Variants in CREB5 observed in about 807,000 individuals in gnomAD.
CREB5 encodes cyclic AMP-responsive element-binding protein 5.
CREB5 carries 19 observed loss-of-function variants against 57.1 expected under a neutral mutation model. That is an observed-to-expected ratio of 0.33 (90% confidence interval 0.23 to 0.49). The LOEUF is 0.49. Ranked by LOEUF, CREB5 falls within the 20% of genes least tolerant of loss-of-function variation. CREB5 has a pLI of 0.99. For synonymous variants in CREB5, 238 were observed against 238.3 expected (o/e 1.00, Z 0.01); for missense variants, 579 against 671.6 (o/e 0.86, Z 1.52).
At chr7:28,602,764 T>C (rs10254819) in intron 5 of CREB5, among the ~76,000 whole-genome samples, 74,364 of 151,990 alleles carry the variant, frequency 0.49, 18,903 homozygotes, top group Middle Eastern at 0.56. Context: ...CTTGTGGTGA[T>C]GGAACAGTTT....
intron 1 of CREB5, among the ~76,000 whole-genome samples, chr7:28,340,950 A>C (rs922867212): frequency 6.6e-6 from 1 of 152,074 alleles, no homozygotes; most frequent in Non-Finnish European, 1.5e-5. Context: ...CTCTCCCCAG[A>C]TTCTCTCTCT....
In CREB5 at chr7:28,622,259, TCACACACACACA is replaced by T. The variant is rs4000593; in HGVS notation, c.464+51746_464+51757del. Among the ~76,000 whole-genome samples, 1,066 of 142,892 alleles carry T rather than the reference TCACACACACACA, an allele frequency of 7.5e-3. 21 individuals carry two copies. Among genetic ancestry groups the T allele is most frequent in the African/African-American group, 0.026 (1,016 of 39,032 alleles). 93.7% of individuals were successfully genotyped at this position (142,892 alleles called of 152,430 possible). ...TACACACATTCTCTCTCTCTCTCTC[TCACACACACACA>T]CACACACACACACACACACACACTC... On this transcript the variant is annotated intron_variant, in intron 5 of 10. Transcript: ENST00000357727.
intron 4 of CREB5, among the ~76,000 whole-genome samples, chr7:28,541,047 C>T (rs988569572): frequency 6.6e-6 from 1 of 152,196 alleles, no homozygotes; most frequent in African/African-American, 2.4e-5. Flanking sequence ...CTAGTTGTGT[C>T]TATTGCTGTA....
intron 7 of CREB5, among the ~76,000 whole-genome samples, chr7:28,781,448 CA>C (rs1458327443): frequency 3.3e-5 from 5 of 152,166 alleles, no homozygotes; most frequent in African/African-American, 1.2e-4. Context: ...TCAAAGGAAT[CA>C]GGCTTGAAAT....
intron 1 of CREB5, among the ~76,000 whole-genome samples, chr7:28,351,942 C>T (rs1167752883): frequency 2.0e-5 from 3 of 152,042 alleles, no homozygotes; most frequent in African/African-American, 2.4e-5. Flanking sequence ...GGAAATTGGG[C>T]CATTCATGGA....
At chr7:28,755,075 T>C (rs1190996157) in intron 7 of CREB5, among the ~76,000 whole-genome samples, 1 of 152,122 alleles carries the variant, frequency 6.6e-6, no homozygotes, top group African/African-American at 2.4e-5. Context: ...GTATCAGTAC[T>C]GGGGATAAAT....
intron 1 of CREB5, among the ~76,000 whole-genome samples, chr7:28,328,330 G>C (rs12700867): frequency 6.6e-6 from 1 of 152,196 alleles, no homozygotes; most frequent in South Asian, 2.1e-4. Context: ...AAACAGAGCA[G>C]TTGAGACAGA....
chr7:28,595,066 T>C (rs915890815), intron 5 of CREB5, among the ~76,000 whole-genome samples: 1 of 152,210 alleles, frequency 6.6e-6, no homozygotes. Flanking sequence ...CACAGTGCAA[T>C]GTCTGTGTTT....
chr7:28,333,140 A>G (rs1267811193), intron 1 of CREB5, among the ~76,000 whole-genome samples: 7 of 152,262 alleles, frequency 4.6e-5, no homozygotes, highest in Non-Finnish European at 1.5e-5. Context: ...TTGTGTTTAA[A>G]TAATTGATTA....
chr7:28,697,375 A>G lies in CREB5; in HGVS notation c.465-21378A>G, dbSNP rs1424255735. ...CTTTCCCCAAACTCTGTGTCCTCAT[A>G]TAAAATTAAGGTATTTTGTTTTCAA... On this transcript the variant is annotated intron_variant, in intron 5 of 10. Coordinates refer to ENST00000357727, the MANE Select transcript of CREB5 (RefSeq NM_182898.4). 5.3e-5 allele frequency among the ~76,000 whole-genome samples: 8 copies of G among 152,096 alleles called. No homozygotes were observed. In the South Asian group the frequency reaches 1.7e-3, roughly 32 times the overall value.
intron 7 of CREB5, among the ~76,000 whole-genome samples, chr7:28,745,106 C>T: frequency 6.6e-6 from 1 of 152,194 alleles, no homozygotes; most frequent in East Asian, 1.9e-4. Context: ...AAATCTTGTG[C>T]CCTGAACATC....
intron 7 of CREB5, among the ~76,000 whole-genome samples, chr7:28,735,606 T>C (rs1803930420): frequency 6.6e-6 from 1 of 152,226 alleles, no homozygotes; most frequent in Non-Finnish European, 1.5e-5. Context: ...TCTTTTAAAG[T>C]TGAGTGAGTC....
intron 1 of CREB5, among the ~76,000 whole-genome samples, chr7:28,312,917 A>G (rs896312152): frequency 3.3e-5 from 5 of 152,212 alleles, no homozygotes; most frequent in African/African-American, 1.2e-4. Context: ...TGCAGACCAA[A>G]GAACCTTATG....
intron 4 of CREB5, among the ~76,000 whole-genome samples, chr7:28,520,725 G>A (rs60940629): frequency 0.021 from 3,198 of 152,328 alleles, 94 homozygotes; most frequent in African/African-American, 0.072. Flanking sequence ...CACACACTTT[G>A]TGATTGCACA....
At chr7:28,426,747 T>C (rs947230080) in intron 1 of CREB5, among the ~76,000 whole-genome samples, 2 of 151,616 alleles carry the variant, frequency 1.3e-5, no homozygotes, top group African/African-American at 2.4e-5. Flanking sequence ...AGAAAACGTA[T>C]CTTCTATTGT....
rs746423295 is a variant in CREB5, at chr7:28,622,242, T to TTCTC, written c.464+51720_464+51723dup. 1.3e-3 allele frequency among the ~76,000 whole-genome samples: 182 copies of TTCTC among 139,314 alleles called. 1 individual carries two copies. Among genetic ancestry groups the TTCTC allele is most frequent in the African/African-American group, 3.0e-3 (113 of 37,386 alleles). 91.4% of individuals were successfully genotyped at this position (139,314 alleles called of 152,430 possible). A position where few individuals can be genotyped will look rare whatever the true frequency, so the allele number is the denominator to read the frequency against. ...GTGAATTCTTACACATATACACACA[T>TTCTC]TCTCTCTCTCTCTCTCTCACACACA... On this transcript the variant is annotated intron_variant, in intron 5 of 10. Transcript: ENST00000357727.
chr7:28,641,503 C>G (rs1250286856), intron 5 of CREB5, among the ~76,000 whole-genome samples: 1 of 152,132 alleles, frequency 6.6e-6, no homozygotes, highest in Non-Finnish European at 1.5e-5. Context: ...ACAAGGTTCT[C>G]CTGACTTCCA....
intron 1 of CREB5, among the ~76,000 whole-genome samples, chr7:28,335,725 C>G (rs901432436): frequency 6.6e-6 from 1 of 152,086 alleles, no homozygotes; most frequent in Non-Finnish European, 1.5e-5. Context: ...CTAGCTAGGA[C>G]TTCCAGTACT....
At chr7:28,450,215 T>C (rs1230081483) in intron 1 of CREB5, among the ~76,000 whole-genome samples, 1 of 152,222 alleles carries the variant, frequency 6.6e-6, no homozygotes, top group Non-Finnish European at 1.5e-5. Context: ...TGACTGATAA[T>C]AATGATTCTG....
Sources: allele counts gnomAD v4.1 joint callset (sites outside exome capture counted in the v4.1 genomes callset), GRCh38; gene constraint gnomAD v4.1.1; transcripts MANE v1.5; gene names NCBI Gene and HGNC (gene_info 2026-07-23, HGNC 2026-07-21).